The following EP400 variants were observed in gnomAD, a reference collection of about 807,000 sequenced individuals.
EP400 encodes E1A-binding protein p400.
A neutral mutation model predicts 354.1 loss-of-function variants in EP400; 105 were observed. That is an observed-to-expected ratio of 0.30 (90% CI 0.25 to 0.35). The LOEUF (loss-of-function observed/expected upper bound fraction) is 0.35. Ranked by LOEUF, EP400 falls within the 10% of genes least tolerant of loss-of-function variation. The pLI, the probability that EP400 is intolerant of heterozygous loss-of-function variation, is 1.00. For synonymous variants in EP400, 1,646 were observed against 1,716.9 expected (o/e 0.96, Z 1.02); for missense variants, 3,280 against 4,121.0 (o/e 0.80, Z 5.59).
In EP400 at chr12:132,006,288, C is replaced by T. The variant is rs1237977644; in HGVS notation, c.3112C>T (p.Arg1038Trp). 1 of 1,614,104 alleles carries T rather than the reference C, an allele frequency of 6.2e-7. No homozygotes were observed. Among genetic ancestry groups the T allele is most frequent in the East Asian group, 2.2e-5 (1 of 44,878 alleles). Residue 1038 changes from arginine (R) to tryptophan (W), a missense_variant, in exon 14 of 53, where the codon CGG becomes TGG. Physicochemically the swap from Arg to Trp is moderately radical, Grantham distance 101. Coordinates refer to ENST00000389561, the MANE Select transcript of EP400 (RefSeq NM_015409.5). Reference sequence around the variant, plus strand: ...AGCCATCCTGCCGAAGGGCAGTGCTCGGGTCACAACCTCGGTGAGGCGCTA... The same window carrying T: ...AGCCATCCTGCCGAAGGGCAGTGCTTGGGTCACAACCTCGGTGAGGCGCTA... The part of the protein sequence containing the change: ...AEAILPKGSA[R>W]VTTSVKFNAP...
intron 51 of EP400, among the ~76,000 whole-genome samples, chr12:132,074,601 G>A (rs533795982): frequency 5.3e-5 from 8 of 152,128 alleles, no homozygotes; most frequent in East Asian, 1.9e-4. Context: ...GTTTGTTTAC[G>A]TGTTGCCCCT....
chr12:131,972,725 CTTTTTTT>C (rs144441438), intron 2 of EP400, among the ~76,000 whole-genome samples: 7 of 98,110 alleles, frequency 7.1e-5, no homozygotes, highest in African/African-American at 9.6e-5. Context: ...CTAACACAAC[CTTTTTTT>C]TTTTTTTTTT....
intron 30 of EP400, among the ~76,000 whole-genome samples, chr12:132,036,188 C>T (rs980993519): frequency 1.7e-4 from 25 of 143,670 alleles, no homozygotes; most frequent in Non-Finnish European, 3.0e-4. Flanking sequence ...CAGGTTCACA[C>T]GGAACGTCAT....
At chr12:132,065,139 T>C in intron 48 of EP400, 1 of 648,128 alleles carries the variant, frequency 1.5e-6, no homozygotes, top group East Asian at 2.9e-5. Context: ...GGGTGGAGAG[T>C]GAGCGAGGTG....
chr12:132,011,510 C>T lies in EP400; in HGVS notation c.3317C>T (p.Pro1106Leu). 1 of 1,611,880 alleles carries T rather than the reference C, an allele frequency of 6.2e-7. No homozygotes were observed. The highest frequency in any genetic ancestry group is 8.5e-7 in the Non-Finnish European group (1 of 1,179,374). Residue 1106 changes from proline to leucine, a missense_variant, in exon 16 of 53, where the codon CCC becomes CTC. Pro to Leu is a moderately conservative substitution (Grantham distance 98). This residue lies in a region of EP400 where 242 missense variants were observed against 357.9 expected (regional missense o/e 0.68). Transcript: ENST00000389561. ...HLACNEGNWGPHLVVVRSCNI... is the reference protein window; with the variant it reads ...HLACNEGNWGLHLVVVRSCNI... ...TTTTGCTTTGTAGGTAATTGGGGCC[C>T]CCATCTTGTTGTTGTGAGAAGTTGT...
intron 29 of EP400, among the ~76,000 whole-genome samples, chr12:132,031,712 C>T (rs113899743): frequency 2.6e-5 from 4 of 152,112 alleles, no homozygotes; most frequent in Non-Finnish European, 5.9e-5. Context: ...CCTGCCACCA[C>T]GCCCAGCTAA....
intron 24 of EP400, 65 bp downstream of exon 24, chr12:132,024,006 CT>C: frequency 1.4e-6 from 2 of 1,455,868 alleles, no homozygotes; most frequent in Admixed American, 5.4e-5. Flanking sequence ...ATGAGCCCTG[CT>C]GCCCACGGGC....
intron 12 of EP400, among the ~76,000 whole-genome samples, chr12:132,003,140 G>A (rs1427734492): frequency 6.7e-6 from 1 of 149,938 alleles, no homozygotes; most frequent in Non-Finnish European, 1.5e-5. Flanking sequence ...GAGCCCAGGA[G>A]TTCAAGTTCA....
chr12:132,011,837 A>G (rs1893776794), intron 16 of EP400, among the ~76,000 whole-genome samples: 1 of 152,082 alleles, frequency 6.6e-6, no homozygotes, highest in South Asian at 2.1e-4. Context: ...GAGGAGGGCC[A>G]CGCACTCGCA....
intron 30 of EP400, among the ~76,000 whole-genome samples, chr12:132,034,359 T>G (rs1023467137): frequency 6.6e-6 from 1 of 152,230 alleles, no homozygotes; most frequent in Non-Finnish European, 1.5e-5. Context: ...CACTTTGTTC[T>G]CGAGTGGGTA....
chr12:132,008,583 C>T (rs1022916070), intron 15 of EP400, among the ~76,000 whole-genome samples: 2 of 150,596 alleles, frequency 1.3e-5, no homozygotes, highest in East Asian at 2.0e-4. Flanking sequence ...GTAGCCTATA[C>T]ATTTTTTTTT....
chr12:131,981,941 C>A, intron 4 of EP400, 152 bp from the exon 5 acceptor site: 1 of 1,062,246 alleles, frequency 9.4e-7, no homozygotes, highest in Non-Finnish European at 1.3e-6. Flanking sequence ...CCTCTCTTTC[C>A]TTTTGTGTGT....
intron 9 of EP400, 89 bp from the exon 10 acceptor site, chr12:131,991,318 G>A: frequency 7.7e-7 from 1 of 1,295,746 alleles, no homozygotes; most frequent in East Asian, 2.3e-5. Flanking sequence ...GCACGTGGGT[G>A]GAGGCAGCAG....
rs561437733 is a variant in EP400, at chr12:131,994,370, T to C, written c.2738-497T>C. ...CTGTGGGGATGCTGGTAGCTGCTCT[T>C]TTCTCTGCCAGGAGCCAAGATCTCT... is the stretch of plus-strand genomic sequence containing the variant. On this transcript the variant is annotated intron_variant, in intron 11 of 52. Coordinates refer to ENST00000389561, the MANE Select transcript of EP400 (RefSeq NM_015409.5). This position sits in a 1 kb window ranked among gnomAD's most constrained non-coding sequence, Gnocchi z 4.6. Among the ~76,000 whole-genome samples, 3 of 152,078 alleles carry C rather than the reference T, an allele frequency of 2.0e-5. No individual in the cohort carries two copies. Among genetic ancestry groups the C allele is most frequent in the Non-Finnish European group, 4.4e-5 (3 of 67,998 alleles).
At position 132,043,447 on chromosome 12, in the gene EP400, T is replaced by C. The variant is rs1213108506; in HGVS notation, c.6351T>C (p.Ala2117=). The C allele has an allele frequency of 2.5e-6, 4 of 1,613,062 alleles. No individual in the cohort carries two copies. Among genetic ancestry groups the C allele is most frequent in the East Asian group, 2.2e-5 (1 of 44,894 alleles). The change falls in exon 33 of 53, where the codon GCT becomes GCC. Residue 2117 remains alanine, a synonymous_variant. Transcript: ENST00000389561. ...DEEPSQLEEL[A]DFMEQLTPIE... ...AACCATCCCAATTAGAGGAGCTAGC[T>C]GACTTCATGGAGCAGGTTTGGGCAT...
chr12:131,977,111 A>G (rs1489745139), intron 2 of EP400, among the ~76,000 whole-genome samples: 1 of 151,938 alleles, frequency 6.6e-6, no homozygotes. Context: ...GTTTATGGTT[A>G]CCTGGATTAT....
chr12:131,980,334 G>C (rs1285756246), intron 3 of EP400, among the ~76,000 whole-genome samples: 1 of 152,166 alleles, frequency 6.6e-6, no homozygotes, highest in Non-Finnish European at 1.5e-5. Flanking sequence ...TCATATATAA[G>C]TTGTTATGTC....
chr12:131,957,203 A>T (rs1891732487), intron 1 of EP400, among the ~76,000 whole-genome samples: 1 of 152,012 alleles, frequency 6.6e-6, no homozygotes, highest in South Asian at 2.1e-4. Context: ...TTCTACTGGG[A>T]TTTTAATGTT....
rs529735103 is a variant in EP400 at position 132,012,679 on chromosome 12, T to A, written c.3442-330T>A. Among the ~76,000 whole-genome samples, 12 of 152,322 alleles carry A rather than the reference T, an allele frequency of 7.9e-5. No individual in the cohort carries two copies. The East Asian group carries it at 2.3e-3, about 29-fold the overall frequency. On this transcript the variant is annotated intron_variant, in intron 16 of 52. Coordinates refer to ENST00000389561, the MANE Select transcript of EP400 (RefSeq NM_015409.5). ...ACATCTCTTATTTTTCTGAGCACAC[T>A]TCCCCTTGTTTTGATTAGATACTAG... is the stretch of plus-strand genomic sequence containing the variant.
Sources: allele counts gnomAD v4.1 joint callset (sites outside exome capture counted in the v4.1 genomes callset), GRCh38; gene constraint gnomAD v4.1.1; regional missense constraint gnomAD v4.1.1; non-coding constraint Gnocchi (gnomAD v3.1); transcripts MANE v1.5; gene names NCBI Gene and HGNC (gene_info 2026-07-23, HGNC 2026-07-21).